CCDC178: variants seen among roughly 807,000 people sequenced by gnomAD.
CCDC178 encodes coiled-coil domain containing 178.
In CCDC178, 126 loss-of-function variants were observed where a neutral mutation model predicts 117.4. That is an observed-to-expected ratio of 1.07 (90% CI 0.93 to 1.24). The LOEUF (loss-of-function observed/expected upper bound fraction) is 1.24, where lower values mean the gene tolerates loss of function less well. Among genes scored for constraint, CCDC178 ranks in the 50% most tolerant of loss-of-function variants. CCDC178 has a pLI of 0.00. For missense variants in CCDC178, 1,030 were observed against 986.9 expected, an observed-to-expected ratio of 1.04 and a Z score of -0.59; for synonymous variants, 283 against 313.4, an observed-to-expected ratio of 0.90 and a Z score of 1.02.
At chr18:33,053,412 C>A (rs1045410068) in intron 21 of CCDC178, among the ~76,000 whole-genome samples, 2 of 152,020 alleles carry the variant, frequency 1.3e-5, no homozygotes, top group Non-Finnish European at 2.9e-5. Flanking sequence ...AGGAAAAAAA[C>A]GGATTGAAAT....
At chr18:33,136,980 C>T (rs183896521) in intron 20 of CCDC178, among the ~76,000 whole-genome samples, 1 of 152,260 alleles carries the variant, frequency 6.6e-6, no homozygotes, top group African/African-American at 2.4e-5. Flanking sequence ...CAGGCAATAT[C>T]CCTGATCCCA....
intron 22 of CCDC178, among the ~76,000 whole-genome samples, chr18:32,967,247 T>A (rs1271658885): frequency 6.6e-6 from 1 of 151,636 alleles, no homozygotes; most frequent in East Asian, 1.9e-4. Context: ...ATGCTCTTTT[T>A]TTTTTTATTT....
At chr18:32,984,715 T>C (rs918299514) in intron 21 of CCDC178, among the ~76,000 whole-genome samples, 1 of 151,926 alleles carries the variant, frequency 6.6e-6, no homozygotes, top group Non-Finnish European at 1.5e-5. Flanking sequence ...AAAATAAAAT[T>C]ACCCTCACAA....
At chr18:33,030,190 C>T (rs531959573) in intron 21 of CCDC178, among the ~76,000 whole-genome samples, 8 of 152,100 alleles carry the variant, frequency 5.3e-5, no homozygotes, top group Admixed American at 2.6e-4. Flanking sequence ...CTATTATCTT[C>T]CTGATGAATT....
intron 20 of CCDC178, among the ~76,000 whole-genome samples, chr18:33,099,614 AGGGAGAAAATATCTTCTTTATTAAG>A (rs1187133952): frequency 6.6e-6 from 1 of 152,080 alleles, no homozygotes; most frequent in Non-Finnish European, 1.5e-5. Context: ...TGTAGAAGAC[AGGGAGAAAATATCTTCTTTATTAAG>A]GGCATCACCT....
intron 20 of CCDC178, among the ~76,000 whole-genome samples, chr18:33,103,132 T>TAA (rs1164944702): frequency 6.6e-6 from 1 of 151,730 alleles, no homozygotes; most frequent in African/African-American, 2.4e-5. Context: ...TAATTGGACT[T>TAA]ACACTTCCAC....
At chr18:33,214,981 G>T (rs2059148316) in intron 19 of CCDC178, among the ~76,000 whole-genome samples, 1 of 151,916 alleles carries the variant, frequency 6.6e-6, no homozygotes, top group South Asian at 2.1e-4. Context: ...GAAGCAAAAT[G>T]AGTAAAGGAA....
chr18:33,340,104 A>G (rs1336587596), intron 9 of CCDC178, among the ~76,000 whole-genome samples: 4 of 152,152 alleles, frequency 2.6e-5, no homozygotes, highest in Non-Finnish European at 5.9e-5. Flanking sequence ...AAATGCTGAT[A>G]GTGATATTAA....
intron 10 of CCDC178, among the ~76,000 whole-genome samples, chr18:33,327,505 T>C (rs946702674): frequency 3.3e-5 from 5 of 152,220 alleles, no homozygotes; most frequent in Non-Finnish European, 5.9e-5. Context: ...TGTAATTCTG[T>C]GTTTAGCTAT....
At chr18:33,091,108 A>G (rs571245523) in intron 21 of CCDC178, among the ~76,000 whole-genome samples, 20 of 152,276 alleles carry the variant, frequency 1.3e-4, no homozygotes, top group Non-Finnish European at 2.8e-4. Flanking sequence ...AAGGAAATAC[A>G]GTATAGTCAA....
At chr18:33,020,622 T>C (rs771596973) in intron 21 of CCDC178, among the ~76,000 whole-genome samples, 1 of 152,162 alleles carries the variant, frequency 6.6e-6, no homozygotes, top group Non-Finnish European at 1.5e-5. Context: ...CTGATCACAA[T>C]GGGAATGTTT....
chr18:33,339,477 A>G (rs2062785620), intron 9 of CCDC178, among the ~76,000 whole-genome samples: 1 of 151,038 alleles, frequency 6.6e-6, no homozygotes, highest in South Asian at 2.1e-4. Flanking sequence ...AGCAAACTAG[A>G]TAACTACAAT....
At chr18:33,351,588 G>A (rs2062981138) in intron 7 of CCDC178, among the ~76,000 whole-genome samples, 1 of 152,118 alleles carries the variant, frequency 6.6e-6, no homozygotes, top group Non-Finnish European at 1.5e-5. Context: ...TGTTGCCCAG[G>A]CTGAAGTACA....
intron 2 of CCDC178, among the ~76,000 whole-genome samples, chr18:33,438,277 T>C (rs1215959920): frequency 6.6e-6 from 1 of 152,038 alleles, no homozygotes; most frequent in Non-Finnish European, 1.5e-5. Flanking sequence ...TAGCCCTCCT[T>C]CAGCATCCCC....
intron 20 of CCDC178, among the ~76,000 whole-genome samples, chr18:33,178,786 A>G (rs1451482115): frequency 6.6e-6 from 1 of 151,728 alleles, no homozygotes; most frequent in Non-Finnish European, 1.5e-5. Flanking sequence ...TTTTAAATCA[A>G]AATTTAGATC....
chr18:33,330,646 T>C (rs2062655150), intron 10 of CCDC178, among the ~76,000 whole-genome samples: 1 of 152,046 alleles, frequency 6.6e-6, no homozygotes, highest in Admixed American at 6.6e-5. Flanking sequence ...AGAGAGAGAC[T>C]GATTTTAAGG....
intron 21 of CCDC178, among the ~76,000 whole-genome samples, chr18:33,064,427 C>T (rs578109426): frequency 1.3e-5 from 2 of 152,162 alleles, no homozygotes; most frequent in African/African-American, 4.8e-5. Context: ...AGCACTCCAA[C>T]AATAGACTAG....
intron 21 of CCDC178, among the ~76,000 whole-genome samples, chr18:33,055,671 A>T (rs1192913313): frequency 6.6e-6 from 1 of 152,154 alleles, no homozygotes; most frequent in Non-Finnish European, 1.5e-5. Flanking sequence ...TTAACATGAA[A>T]AGCTTTTGCC....
At chr18:33,376,766 T>A (rs909874871) in intron 5 of CCDC178, among the ~76,000 whole-genome samples, 1 of 152,200 alleles carries the variant, frequency 6.6e-6, no homozygotes, top group Non-Finnish European at 1.5e-5. Context: ...TCCATGTTGC[T>A]GCAGATAACT....
Sources: gnomAD v4.1 joint callset for allele counts (sites outside exome capture counted in the v4.1 genomes callset) on GRCh38, gnomAD v4.1.1 for gene constraint, MANE v1.5 for transcripts, NCBI Gene and HGNC (gene_info 2026-07-23, HGNC 2026-07-21) for gene names.